Variants in AATF observed in about 807,000 individuals in gnomAD.
AATF encodes the protein apoptosis antagonizing transcription factor.
Under a neutral mutation model 63.7 loss-of-function variants are expected in AATF, and 48 were observed. The observed-to-expected ratio is 0.75, with a 90% CI of 0.60 to 0.96. The LOEUF (loss-of-function observed/expected upper bound fraction) is 0.96, where lower values mean the gene tolerates loss of function less well. AATF is among the 40% of genes least tolerant of loss of function. AATF has a pLI of 0.00. For synonymous variants in AATF, 258 were observed against 247.7 expected (o/e 1.04, Z -0.39); for missense variants, 639 against 685.7 (o/e 0.93, Z 0.76).
At chr17:36,962,646 A>C (rs541424157) in intron 4 of AATF, among the ~76,000 whole-genome samples, 8 of 152,036 alleles carry the variant, frequency 5.3e-5, no homozygotes, top group Non-Finnish European at 1.2e-4. Flanking sequence ...TCAGAAAAAT[A>C]ATTTTTAATA....
intron 4 of AATF, among the ~76,000 whole-genome samples, chr17:36,978,399 T>C (rs1422696991): frequency 6.6e-6 from 1 of 152,172 alleles, no homozygotes; most frequent in Non-Finnish European, 1.5e-5. Context: ...CACTCCTGCA[T>C]AGATCGCACG....
At chr17:37,013,960 C>T (rs1358302517) in intron 8 of AATF, among the ~76,000 whole-genome samples, 1 of 152,114 alleles carries the variant, frequency 6.6e-6, no homozygotes, top group Non-Finnish European at 1.5e-5. Flanking sequence ...TCTCTGGACT[C>T]TTCTGGCGTG....
At chr17:36,972,017 G>A (rs1171007142) in intron 4 of AATF, among the ~76,000 whole-genome samples, 1 of 152,124 alleles carries the variant, frequency 6.6e-6, no homozygotes, top group Non-Finnish European at 1.5e-5. Flanking sequence ...GTGGCTCTCT[G>A]TTGAACCCTT....
chr17:36,999,089 C>T (rs1169198041), intron 8 of AATF: 1 of 152,088 alleles, frequency 6.6e-6, no homozygotes, highest in Non-Finnish European at 1.5e-5. Context: ...ATACAAATTC[C>T]ATATTTTCCA....
At chr17:37,038,364 C>A (rs1352286120) in intron 11 of AATF, among the ~76,000 whole-genome samples, 1 of 152,102 alleles carries the variant, frequency 6.6e-6, no homozygotes, top group Non-Finnish European at 1.5e-5. Flanking sequence ...ACCCCTGAGA[C>A]AGGAAGAGAT....
chr17:37,009,944 G>A (rs1248383207), intron 8 of AATF, among the ~76,000 whole-genome samples: 1 of 151,940 alleles, frequency 6.6e-6, no homozygotes. Context: ...ATTGTGTGGG[G>A]AAGTCATATC....
At chr17:36,974,869 C>T (rs1205314936) in intron 4 of AATF, among the ~76,000 whole-genome samples, 1 of 152,118 alleles carries the variant, frequency 6.6e-6, no homozygotes, top group African/African-American at 2.4e-5. Flanking sequence ...CACTCTAATT[C>T]TCCTTTTTTT....
At chr17:36,955,963 A>G (rs1335728252) in intron 4 of AATF, among the ~76,000 whole-genome samples, 3 of 152,062 alleles carry the variant, frequency 2.0e-5, no homozygotes, top group African/African-American at 4.8e-5. Flanking sequence ...GGGTCTCACT[A>G]TGTTGACCAG....
chr17:37,034,140 A>G (rs2071572166), intron 11 of AATF, among the ~76,000 whole-genome samples: 1 of 152,168 alleles, frequency 6.6e-6, no homozygotes. Flanking sequence ...GGAGAACTGA[A>G]CATTTGTTTT....
At chr17:37,007,652 C>A (rs981972578) in intron 8 of AATF, among the ~76,000 whole-genome samples, 1 of 151,966 alleles carries the variant, frequency 6.6e-6, no homozygotes, top group Non-Finnish European at 1.5e-5. Flanking sequence ...ATAACCAGAA[C>A]GCTTGGTGAG....
intron 8 of AATF, chr17:36,998,987 CCCCTCAACATACA>C (rs1199562247): frequency 6.6e-6 from 1 of 152,234 alleles, no homozygotes; most frequent in Non-Finnish European, 1.5e-5. Flanking sequence ...TACTGGTTTA[CCCCTCAACATACA>C]CCTGATCTAA....
chr17:37,003,019 G>A (rs1241906114), intron 8 of AATF, among the ~76,000 whole-genome samples: 1 of 146,200 alleles, frequency 6.8e-6, no homozygotes, highest in Non-Finnish European at 1.5e-5. Context: ...AACAAAGTTG[G>A]AGCATTCACA....
At chr17:37,006,396 G>A (rs755339170) in intron 8 of AATF, among the ~76,000 whole-genome samples, 21 of 152,068 alleles carry the variant, frequency 1.4e-4, no homozygotes, top group Non-Finnish European at 2.4e-4. Context: ...TTGAACCCAG[G>A]AGACTGAGAT....
chr17:36,990,305 A>C (rs1055679461), intron 7 of AATF, among the ~76,000 whole-genome samples: 1 of 152,168 alleles, frequency 6.6e-6, no homozygotes, highest in Non-Finnish European at 1.5e-5. Flanking sequence ...ACTATCATTT[A>C]TGCAAACAAT....
At chr17:36,991,927 C>T (rs556244734) in intron 8 of AATF, among the ~76,000 whole-genome samples, 1 of 152,172 alleles carries the variant, frequency 6.6e-6, no homozygotes, top group South Asian at 2.1e-4. Flanking sequence ...TTGGCTGTAC[C>T]CTTTCTAGCT....
chr17:36,963,084 A>T (rs1454954939), intron 4 of AATF, among the ~76,000 whole-genome samples: 1 of 152,158 alleles, frequency 6.6e-6, no homozygotes, highest in African/African-American at 2.4e-5. Flanking sequence ...GCACCATTGC[A>T]CTCCAGCCTG....
intron 11 of AATF, among the ~76,000 whole-genome samples, chr17:37,054,169 TG>T (rs1330652553): frequency 3.9e-5 from 3 of 76,880 alleles, no homozygotes; most frequent in African/African-American, 1.5e-4. Flanking sequence ...GAATCTACAG[TG>T]GGGGTGGCTG....
At chr17:37,005,827 T>C (rs1476364131) in intron 8 of AATF, among the ~76,000 whole-genome samples, 1 of 152,142 alleles carries the variant, frequency 6.6e-6, no homozygotes, top group Non-Finnish European at 1.5e-5. Flanking sequence ...ACTTTTAGTA[T>C]GGATTAGAAA....
chr17:36,958,690 T>C (rs970626550), intron 4 of AATF, among the ~76,000 whole-genome samples: 2 of 152,204 alleles, frequency 1.3e-5, no homozygotes, highest in African/African-American at 4.8e-5. Context: ...CAATCTTATT[T>C]CATCTGTAGT....
Sources: gnomAD v4.1 joint callset for allele counts (sites outside exome capture counted in the v4.1 genomes callset) on GRCh38, gnomAD v4.1.1 for gene constraint, MANE v1.5 for transcripts, NCBI Gene and HGNC (gene_info 2026-07-23, HGNC 2026-07-21) for gene names.